Variants in KIAA1549L observed in about 807,000 individuals in gnomAD.
KIAA1549L encodes the protein UPF0606 protein KIAA1549L.
In KIAA1549L, 88 loss-of-function variants were observed where a neutral mutation model predicts 160.7. The observed-to-expected ratio is 0.55, with a 90% CI of 0.46 to 0.65. KIAA1549L has a LOEUF of 0.65. Ranked by LOEUF, KIAA1549L falls within the 30% of genes least tolerant of loss-of-function variation. The pLI, the probability that KIAA1549L is intolerant of heterozygous loss-of-function variation, is 0.00. For synonymous variants in KIAA1549L, 950 were observed against 976.7 expected (o/e 0.97, Z 0.51); for missense variants, 2,258 against 2,437.5 (o/e 0.93, Z 1.55).
chr11:33,490,964 A>G (rs1486007097), intron 1 of KIAA1549L, among the ~76,000 whole-genome samples: 1 of 152,176 alleles, frequency 6.6e-6, no homozygotes, highest in Non-Finnish European at 1.5e-5. Context: ...GACAAATAGA[A>G]TCAGCCTGTT....
chr11:33,562,339 G>A (rs1447054117), intron 8 of KIAA1549L, among the ~76,000 whole-genome samples: 2 of 152,190 alleles, frequency 1.3e-5, no homozygotes, highest in Non-Finnish European at 2.9e-5. Context: ...ACAGATGTTT[G>A]TAGGAGGAAA....
intron 1 of KIAA1549L, among the ~76,000 whole-genome samples, chr11:33,483,777 A>G (rs1247354613): frequency 1.3e-5 from 2 of 152,208 alleles, no homozygotes; most frequent in African/African-American, 4.8e-5. Flanking sequence ...ATCTGTGACC[A>G]TGTAAGATGT....
chr11:33,420,608 C>T (rs752729800), intron 1 of KIAA1549L, among the ~76,000 whole-genome samples: 5 of 152,028 alleles, frequency 3.3e-5, no homozygotes, highest in Admixed American at 6.6e-5. Context: ...TAAGAACTAC[C>T]GTTTTAGGGA....
At chr11:33,447,065 G>A (rs1259941012) in intron 1 of KIAA1549L, among the ~76,000 whole-genome samples, 1 of 152,174 alleles carries the variant, frequency 6.6e-6, no homozygotes, top group Non-Finnish European at 1.5e-5. Flanking sequence ...TTTACCACAG[G>A]GATCTTCTTG....
At chr11:33,507,545 C>T (rs1853120474) in intron 1 of KIAA1549L, among the ~76,000 whole-genome samples, 1 of 152,182 alleles carries the variant, frequency 6.6e-6, no homozygotes, top group Non-Finnish European at 1.5e-5. Flanking sequence ...GCTGAAGAGT[C>T]ATTTTAGCAT....
chr11:33,642,752 G>A lies in KIAA1549L; in HGVS notation c.5410-2934G>A, dbSNP rs143620654. Among the ~76,000 whole-genome samples the A allele has an allele frequency of 3.3e-3, 501 of 152,272 alleles. 2 individuals are homozygous for A. The highest frequency in any genetic ancestry group is 5.8e-3 in the Non-Finnish European group (396 of 68,024). ...AGGGTGAACCAGGTAATCGAAAAAG[G>A]TTTCTTTACAAGGAAGTTAAGTTTA... On this transcript the variant is annotated intron_variant, in intron 16 of 20. Coordinates refer to ENST00000658780, the MANE Select transcript of KIAA1549L (RefSeq NM_012194.3).
At chr11:33,591,209 C>T (rs148989548) in intron 11 of KIAA1549L, 28 bp from the exon 12 acceptor site, 1,043 of 1,566,256 alleles carry the variant, frequency 6.7e-4, no homozygotes, top group Middle Eastern at 1.3e-3. Context: ...GCTAGAAATA[C>T]GACTGCAAAT....
intron 1 of KIAA1549L, among the ~76,000 whole-genome samples, chr11:33,398,679 C>T (rs1479548472): frequency 2.6e-5 from 4 of 152,222 alleles, no homozygotes; most frequent in African/African-American, 7.2e-5. Flanking sequence ...GAAGAAAAAT[C>T]GCCCATAGCC....
chr11:33,490,676 C>G (rs1242558979), intron 1 of KIAA1549L, among the ~76,000 whole-genome samples: 2 of 152,180 alleles, frequency 1.3e-5, no homozygotes, highest in Admixed American at 6.5e-5. Flanking sequence ...AAAATGCCTC[C>G]CTTCCCCACA....
chr11:33,651,820 A>C, intron 17 of KIAA1549L, among the ~76,000 whole-genome samples: 2 of 142,398 alleles, frequency 1.4e-5, no homozygotes, highest in South Asian at 2.3e-4. Context: ...CAGCACTGAA[A>C]CTTCAAACAG....
intron 1 of KIAA1549L, among the ~76,000 whole-genome samples, chr11:33,416,928 C>G (rs1850900330): frequency 6.6e-6 from 1 of 152,132 alleles, no homozygotes; most frequent in Admixed American, 6.5e-5. Context: ...ATCTGCTCAT[C>G]CTGCACACAC....
At position 33,545,782 on chromosome 11, in the gene KIAA1549L, G is replaced by A. The variant is rs1005854548; in HGVS notation, c.3385+404G>A. ...CCAGGAAACCATGGTTCTGCCAGTG[G>A]GTCTAAGAATGCAAAGGTACCATTT... On this transcript the variant is annotated intron_variant, in intron 3 of 20. Coordinates refer to ENST00000658780, the MANE Select transcript of KIAA1549L (RefSeq NM_012194.3). 5.5e-4 allele frequency among the ~76,000 whole-genome samples: 84 copies of A among 152,218 alleles called. 1 individual carries two copies. The highest frequency in any genetic ancestry group is 1.9e-3 in the African/African-American group (79 of 41,520).
chr11:33,408,406 A>G (rs1007825604), intron 1 of KIAA1549L, among the ~76,000 whole-genome samples: 19 of 151,618 alleles, frequency 1.3e-4, no homozygotes, highest in Non-Finnish European at 1.5e-4. Flanking sequence ...AGTGATATCT[A>G]ATATCTAATA....
chr11:33,467,582 T>C (rs551170204), intron 1 of KIAA1549L, among the ~76,000 whole-genome samples: 2 of 152,338 alleles, frequency 1.3e-5, no homozygotes, highest in African/African-American at 4.8e-5. Context: ...CTACCCTGGT[T>C]ATTTGGACAC....
intron 15 of KIAA1549L, among the ~76,000 whole-genome samples, chr11:33,614,759 C>T (rs1171857069): frequency 4.7e-5 from 7 of 148,104 alleles, no homozygotes; most frequent in South Asian, 2.2e-4. Flanking sequence ...ATTACAGGCA[C>T]GCGCCACCAC....
intron 1 of KIAA1549L, among the ~76,000 whole-genome samples, chr11:33,439,896 A>T (rs1851460604): frequency 6.6e-6 from 1 of 152,072 alleles, no homozygotes; most frequent in African/African-American, 2.4e-5. Context: ...AAATAAAAGG[A>T]CAAACATCAT....
intron 12 of KIAA1549L, among the ~76,000 whole-genome samples, chr11:33,595,770 T>C (rs1172035496): frequency 1.3e-5 from 2 of 152,170 alleles, no homozygotes; most frequent in African/African-American, 2.4e-5. Context: ...GCCTTCCCTC[T>C]CAGAATGGGT....
intron 9 of KIAA1549L, among the ~76,000 whole-genome samples, chr11:33,572,149 G>A (rs372475606): frequency 6.6e-6 from 1 of 151,844 alleles, no homozygotes; most frequent in South Asian, 2.1e-4. Context: ...CGATTCTCCT[G>A]CCTCAGCCTC....
At position 33,449,918 on chromosome 11, in the gene KIAA1549L, G is replaced by A. The variant is rs185927242; in HGVS notation, c.238+73029G>A. Among the ~76,000 whole-genome samples the A allele has an allele frequency of 2.0e-5, 3 of 152,180 alleles. No individual in the cohort carries two copies. In the South Asian group the frequency reaches 6.2e-4, roughly 31 times the overall value. On this transcript the variant is annotated intron_variant, in intron 1 of 20. Transcript: ENST00000658780. Reference sequence around the variant, plus strand: ...TCCCGGACTCAGATTCCCACAGAAAGCACATGCAGGTGACAAAGTAGATGA... The same window carrying A: ...TCCCGGACTCAGATTCCCACAGAAAACACATGCAGGTGACAAAGTAGATGA...
Sources: gnomAD v4.1 joint callset for allele counts (sites outside exome capture counted in the v4.1 genomes callset) on GRCh38, gnomAD v4.1.1 for gene constraint, MANE v1.5 for transcripts, NCBI Gene and HGNC (gene_info 2026-07-23, HGNC 2026-07-21) for gene names.